Variants in SLC22A23 observed in about 807,000 individuals in gnomAD.
SLC22A23 encodes ion transporter protein.
SLC22A23 carries 26 observed loss-of-function variants against 61.0 expected under a neutral mutation model. The ratio of observed to expected loss-of-function variants is 0.43; its 90% CI spans 0.31 to 0.59. The LOEUF (loss-of-function observed/expected upper bound fraction) is 0.59. Among genes scored for constraint, SLC22A23 ranks in the 20% least tolerant of loss-of-function variants. The pLI is 0.11. For synonymous variants in SLC22A23, 430 were observed against 413.9 expected (o/e 1.04, Z -0.47); for missense variants, 796 against 934.7 (o/e 0.85, Z 1.94).
At chr6:3,310,212 G>A (rs964183380) in intron 4 of SLC22A23, among the ~76,000 whole-genome samples, 2 of 146,952 alleles carry the variant, frequency 1.4e-5, no homozygotes. Flanking sequence ...AGTTCAAGCG[G>A]GAGCACCCTG....
intron 3 of SLC22A23, among the ~76,000 whole-genome samples, chr6:3,407,073 C>G (rs529269374): frequency 6.6e-6 from 1 of 152,288 alleles, no homozygotes; most frequent in Admixed American, 6.5e-5. Context: ...AAGCACAGGC[C>G]TTTCCAGCAG....
chr6:3,419,109 A>T (rs1313340807), intron 1 of SLC22A23, among the ~76,000 whole-genome samples: 2 of 152,208 alleles, frequency 1.3e-5, no homozygotes, highest in African/African-American at 2.4e-5. Context: ...ATAACTTTTC[A>T]GATTAAAGAA....
intron 1 of SLC22A23, among the ~76,000 whole-genome samples, chr6:3,435,791 A>G (rs898126003): frequency 6.6e-6 from 1 of 152,164 alleles, no homozygotes; most frequent in African/African-American, 2.4e-5. Flanking sequence ...GTTTTTACAG[A>G]GATGATTAAA....
At chr6:3,448,800 A>G (rs547488849) in intron 1 of SLC22A23, among the ~76,000 whole-genome samples, 16 of 152,310 alleles carry the variant, frequency 1.1e-4, no homozygotes, top group Non-Finnish European at 2.2e-4. Flanking sequence ...AGCCCCCACC[A>G]TGTTTTTAAA....
At chr6:3,415,499 G>T (rs920913971) in intron 2 of SLC22A23, among the ~76,000 whole-genome samples, 5 of 152,136 alleles carry the variant, frequency 3.3e-5, no homozygotes, top group Admixed American at 1.3e-4. Flanking sequence ...GAAGTAGATG[G>T]GGCTGCAGGC....
rs376348957 is a variant in SLC22A23 at position 3,427,894 on chromosome 6, C to G, written c.655-12039G>C. On this transcript the variant is annotated intron_variant, in intron 1 of 9. Transcript: ENST00000406686. This position sits in a 1 kb window ranked among gnomAD's most constrained non-coding sequence, Gnocchi z 4.3. ...ACTGTGCAGGCTGGCTCCCGGCCCC[C>G]GCCCTCTGGTCGGGAGAGGAAGAAG... is the stretch of plus-strand genomic sequence containing the variant. Among the ~76,000 whole-genome samples, 1 of 152,244 alleles carries G rather than the reference C, an allele frequency of 6.6e-6. No individual in the cohort carries two copies. The highest frequency in any genetic ancestry group is 2.4e-5 in the African/African-American group (1 of 41,462).
chr6:3,285,161 G>A lies in SLC22A23; in HGVS notation c.1547-50C>T, dbSNP rs781517849. 15 of 1,605,108 alleles carry A rather than the reference G, an allele frequency of 9.3e-6. No homozygotes were observed. The African/African-American group carries it at 1.1e-4, about 11-fold the overall frequency. ...CCACACGGACAAGGGCCAAGCAAGC[G>A]AGAAGAGAGAAGAGAGCACATTAGG... is the stretch of plus-strand genomic sequence containing the variant. On this transcript the variant is annotated intron_variant, in intron 7 of 9. Coordinates refer to ENST00000406686, the MANE Select transcript of SLC22A23 (RefSeq NM_015482.2).
At chr6:3,284,800 C>T in intron 8 of SLC22A23, 1 of 1,114,138 alleles carries the variant, frequency 9.0e-7, no homozygotes, top group Non-Finnish European at 1.3e-6. Flanking sequence ...TGGCGCCGGG[C>T]CAGGGCCTGT....
chr6:3,281,068 A>C (rs548750066), intron 9 of SLC22A23, among the ~76,000 whole-genome samples: 2 of 152,296 alleles, frequency 1.3e-5, no homozygotes, highest in East Asian at 3.9e-4. Flanking sequence ...CCGTGAGGGC[A>C]AAGGAAGCCT....
chr6:3,408,741 C>A (rs1267732933), intron 3 of SLC22A23, among the ~76,000 whole-genome samples: 3 of 152,222 alleles, frequency 2.0e-5, no homozygotes, highest in Non-Finnish European at 1.5e-5. Flanking sequence ...AGGTTATATT[C>A]TCTGCAGAGC....
chr6:3,441,640 T>C (rs1008277985), intron 1 of SLC22A23, among the ~76,000 whole-genome samples: 3 of 152,196 alleles, frequency 2.0e-5, no homozygotes, highest in Admixed American at 6.5e-5. Flanking sequence ...CCCTGCACCT[T>C]GTCCTGTTCT....
At chr6:3,437,667 T>A (rs904319274) in intron 1 of SLC22A23, among the ~76,000 whole-genome samples, 1 of 150,338 alleles carries the variant, frequency 6.7e-6, no homozygotes, top group Non-Finnish European at 1.5e-5. Context: ...CCAGCCTGGG[T>A]GACAGAGCGA....
intron 1 of SLC22A23, among the ~76,000 whole-genome samples, chr6:3,455,250 AGCT>A (rs2127561854): frequency 1.3e-5 from 2 of 152,394 alleles, no homozygotes; most frequent in East Asian, 3.9e-4. Flanking sequence ...AGCCCAAAGC[AGCT>A]GCTGTGTAAG....
chr6:3,410,195 A>G lies in SLC22A23; in HGVS notation c.906T>C (p.Tyr302=), dbSNP rs955269696. Residue 302 remains tyrosine (Y), a synonymous_variant, in exon 3 of 10, where the codon TAT becomes TAC. Transcript: ENST00000406686. This position sits in a 1 kb window ranked among gnomAD's most constrained non-coding sequence, Gnocchi z 5.0. The part of the protein sequence containing the change: ...FCLAGIILTL[Y]ALRIELCPPG... ...GTGAAGGCTCCTACTTACGTAAAGC[A>G]TACAAGGTGAGAATGATTCCAGCCA... The G allele has an allele frequency of 1.2e-6, 2 of 1,611,764 alleles. No homozygotes were observed. The highest frequency in any genetic ancestry group is 1.7e-6 in the Non-Finnish European group (2 of 1,179,314).
chr6:3,359,751 A>G (rs1765321164), intron 3 of SLC22A23, among the ~76,000 whole-genome samples: 1 of 152,194 alleles, frequency 6.6e-6, no homozygotes, highest in Non-Finnish European at 1.5e-5. Flanking sequence ...TTGCACACCT[A>G]TGTTCACGGC....
rs142455116 is a variant in SLC22A23, at chr6:3,341,525, T to C, written c.914-17523A>G. On this transcript the variant is annotated intron_variant, in intron 3 of 9. Coordinates refer to ENST00000406686, the MANE Select transcript of SLC22A23 (RefSeq NM_015482.2). The stretch of plus-strand genomic sequence containing the variant: ...ATGAAAACCCAGAAAAAAATCACAG[T>C]ATTACTCTACTTAGGATGTGACTCT... Among the ~76,000 whole-genome samples the C allele has an allele frequency of 1.9e-3, 292 of 152,294 alleles. 2 individuals are homozygous for C. Among genetic ancestry groups the C allele is most frequent in the African/African-American group, 6.5e-3 (270 of 41,552 alleles).
chr6:3,298,448 T>C (rs1761306211), intron 4 of SLC22A23, among the ~76,000 whole-genome samples: 1 of 152,004 alleles, frequency 6.6e-6, no homozygotes, highest in Non-Finnish European at 1.5e-5. Flanking sequence ...TAACCACATG[T>C]TCTCACCCAC....
In SLC22A23 at chr6:3,324,445, C is replaced by A. The variant is rs913267554; in HGVS notation, c.914-443G>T. Among the ~76,000 whole-genome samples the A allele has an allele frequency of 6.6e-6, 1 of 152,094 alleles. No individual in the cohort carries two copies. The highest frequency in any genetic ancestry group is 1.5e-5 in the Non-Finnish European group (1 of 68,026). On this transcript the variant is annotated intron_variant, in intron 3 of 9. Transcript: ENST00000406686. The surrounding 1 kb of genome is among the most constrained non-coding windows in gnomAD (Gnocchi z 4.3). ...CCATCTCGACCTCTAGACAGGACAC[C>A]AGGCATGCCCATATACTCACTCCTA...
At position 3,271,704 on chromosome 6, in the gene SLC22A23, C is replaced by CT. The variant is rs1758486419; in HGVS notation, c.*1350dup. On this transcript the variant is annotated 3_prime_UTR_variant, in exon 10 of 10. Transcript: ENST00000406686. ...GTGGTGCCTGCCCTTGCCAAGGAGGCTGTCTCTTAGTCGCCTTGGGTGTCC... is the reference window on the plus strand; with the variant it reads ...GTGGTGCCTGCCCTTGCCAAGGAGGCTTGTCTCTTAGTCGCCTTGGGTGTCC... 1 of 152,344 alleles carries CT rather than the reference C, an allele frequency of 6.6e-6. No homozygotes were observed. Among genetic ancestry groups the CT allele is most frequent in the African/African-American group, 2.4e-5 (1 of 41,454 alleles). 9.4% of individuals were successfully genotyped at this position (152,344 alleles called of 1,614,324 possible).
Sources: gnomAD v4.1 joint callset for allele counts (sites outside exome capture counted in the v4.1 genomes callset) on GRCh38, gnomAD v4.1.1 for gene constraint, Gnocchi (gnomAD v3.1) non-coding constraint, MANE v1.5 for transcripts, NCBI Gene and HGNC (gene_info 2026-07-23, HGNC 2026-07-21) for gene names.